Variants in AKR1D1 observed in about 807,000 individuals in gnomAD.
The protein encoded by AKR1D1 is aldo-keto reductase family 1 member D1, also known as delta(4)-3-ketosteroid 5-beta-reductase.
In AKR1D1, 32 loss-of-function variants were observed where a neutral mutation model predicts 42.6. The observed-to-expected ratio is 0.75, with a 90% CI of 0.57 to 1.01. The LOEUF (loss-of-function observed/expected upper bound fraction) is 1.01. Ranked by LOEUF, AKR1D1 falls within the 50% of genes least tolerant of loss-of-function variation. AKR1D1 has a pLI of 0.00. For missense variants in AKR1D1, 364 were observed against 402.2 expected, an observed-to-expected ratio of 0.91 and a Z score of 0.81; for synonymous variants, 123 against 135.5, an observed-to-expected ratio of 0.91 and a Z score of 0.64.
chr7:138,085,275 G>C (rs1485054062), intron 1 of AKR1D1, among the ~76,000 whole-genome samples: 3 of 151,824 alleles, frequency 2.0e-5, no homozygotes, highest in Non-Finnish European at 2.9e-5. Flanking sequence ...CCAGCTTTTA[G>C]AAGAGACTCC....
chr7:138,101,195 T>TCCTC (rs1395557452), intron 4 of AKR1D1, among the ~76,000 whole-genome samples: 1 of 20,954 alleles, frequency 4.8e-5, no homozygotes, highest in East Asian at 1.5e-3. Context: ...CTCCCTCCCT[T>TCCTC]CCTTCCTTCC....
chr7:138,085,457 T>C (rs1470861105), intron 1 of AKR1D1, among the ~76,000 whole-genome samples: 1 of 149,712 alleles, frequency 6.7e-6, no homozygotes, highest in African/African-American at 2.5e-5. Context: ...TTTTTTTTTT[T>C]TTTTTGAGAC....
At chr7:138,082,218 A>G (rs1341366003) in intron 1 of AKR1D1, among the ~76,000 whole-genome samples, 1 of 152,098 alleles carries the variant, frequency 6.6e-6, no homozygotes. Flanking sequence ...AATTTTAGAT[A>G]TCTTATCAGA....
At chr7:138,114,512 T>C (rs1389393566) in intron 8 of AKR1D1, among the ~76,000 whole-genome samples, 2 of 146,428 alleles carry the variant, frequency 1.4e-5, no homozygotes, top group Admixed American at 6.7e-5. Context: ...ATACAAAAAT[T>C]AGCTGGGTGT....
intron 3 of AKR1D1, among the ~76,000 whole-genome samples, chr7:138,095,280 G>T (rs559429542): frequency 6.6e-6 from 1 of 152,206 alleles, no homozygotes; most frequent in Admixed American, 6.5e-5. Context: ...GAGCAGAAAT[G>T]TGGGTCATAA....
chr7:138,103,570 A>T (rs930051491), intron 4 of AKR1D1, among the ~76,000 whole-genome samples: 15 of 152,108 alleles, frequency 9.9e-5, no homozygotes, highest in African/African-American at 3.6e-4. Flanking sequence ...CTAGACAGAG[A>T]TTGACAATTT....
chr7:138,107,209 C>T (rs756111013), intron 6 of AKR1D1: 11 of 740,638 alleles, frequency 1.5e-5, no homozygotes, highest in Non-Finnish European at 2.7e-5. Context: ...GAGGCAGCTC[C>T]ATAAACTTGC....
At position 138,113,315 on chromosome 7, in the gene AKR1D1, C is replaced by CAA. The variant is rs34789634; in HGVS notation, c.856-361_856-360dup. ...TGGGTGACAGAGTAAGACCCTGTCT[C>CAA]AAAAAAAAAAAAAAATCATATTTAG... On this transcript the variant is annotated intron_variant, in intron 7 of 8. Coordinates refer to ENST00000242375, the MANE Select transcript of AKR1D1 (RefSeq NM_005989.4). 6.9e-3 allele frequency among the ~76,000 whole-genome samples: 797 copies of CAA among 115,768 alleles called. 12 individuals are homozygous for CAA. Among genetic ancestry groups the CAA allele is most frequent in the African/African-American group, 0.025 (743 of 30,002 alleles). The allele number at this position is 115,768 out of a possible 152,430, so 75.9% of individuals were successfully genotyped here.
rs533286317 is a variant in AKR1D1 at position 138,108,645 on chromosome 7, A to G, written c.855+1065A>G. Among the ~76,000 whole-genome samples, 16 of 152,300 alleles carry G rather than the reference A, an allele frequency of 1.1e-4. 1 individual carries two copies. The highest frequency in any genetic ancestry group is 9.8e-4 in the Admixed American group (15 of 15,290). ...GTAGAATAGTGGTTACCGGAGGCTG[A>G]GATTATTGAAGGGAGGGTGCTATGA... On this transcript the variant is annotated intron_variant, in intron 7 of 8. Transcript: ENST00000242375.
intron 1 of AKR1D1, among the ~76,000 whole-genome samples, chr7:138,079,875 G>A (rs1049440454): frequency 5.9e-5 from 9 of 152,294 alleles, no homozygotes; most frequent in Non-Finnish European, 1.2e-4. Flanking sequence ...TGTAGATGGC[G>A]TGACTTGCTC....
At chr7:138,091,704 A>T in intron 2 of AKR1D1, 64 bp from the exon 3 acceptor site, 1 of 1,267,644 alleles carries the variant, frequency 7.9e-7, no homozygotes, top group Non-Finnish European at 1.2e-6. Context: ...ACAAAGAAAA[A>T]GGGGCTGCCT....
intron 2 of AKR1D1, among the ~76,000 whole-genome samples, chr7:138,089,653 T>C (rs893474059): frequency 2.6e-5 from 4 of 152,206 alleles, no homozygotes; most frequent in African/African-American, 4.8e-5. Flanking sequence ...GTCCAAAAAG[T>C]ACAGTTGTGA....
intron 4 of AKR1D1, among the ~76,000 whole-genome samples, chr7:138,100,938 T>G (rs895886955): frequency 1.2e-4 from 18 of 151,948 alleles, no homozygotes; most frequent in Non-Finnish European, 2.1e-4. Flanking sequence ...TCTCCTGACC[T>G]TGTGATCCAC....
chr7:138,105,175 C>T, intron 4 of AKR1D1, 132 bp from the exon 5 acceptor site: 1 of 1,303,126 alleles, frequency 7.7e-7, no homozygotes, highest in Non-Finnish European at 1.1e-6. Flanking sequence ...CCTTCTTTTA[C>T]TTTTTTTCGC....
At chr7:138,103,119 A>C (rs2117455562) in intron 4 of AKR1D1, among the ~76,000 whole-genome samples, 1 of 152,178 alleles carries the variant, frequency 6.6e-6, no homozygotes, top group African/African-American at 2.4e-5. Context: ...ATGCATGATA[A>C]AAAGTTGCAC....
chr7:138,114,897 C>A (rs1794606685), intron 8 of AKR1D1, among the ~76,000 whole-genome samples: 1 of 151,956 alleles, frequency 6.6e-6, no homozygotes, highest in African/African-American at 2.4e-5. Flanking sequence ...TTTACTGATC[C>A]TACTGTTTTT....
chr7:138,106,484 T>C, intron 5 of AKR1D1, 124 bp from the exon 6 acceptor site: 1 of 747,884 alleles, frequency 1.3e-6, no homozygotes, highest in East Asian at 2.7e-5. Flanking sequence ...ACACGAAATG[T>C]ATATAGTATG....
intron 7 of AKR1D1, among the ~76,000 whole-genome samples, chr7:138,108,022 C>T (rs1794467859): frequency 6.6e-6 from 1 of 152,086 alleles, no homozygotes; most frequent in Non-Finnish European, 1.5e-5. Flanking sequence ...TACCTACTCA[C>T]TTCTCTACCA....
chr7:138,104,260 A>T (rs1399634539), intron 4 of AKR1D1, among the ~76,000 whole-genome samples: 3 of 152,212 alleles, frequency 2.0e-5, no homozygotes, highest in African/African-American at 7.2e-5. Context: ...GTTACTGAGA[A>T]GCCAAGAAGA....
Sources: gnomAD v4.1 joint callset for allele counts (sites outside exome capture counted in the v4.1 genomes callset) on GRCh38, gnomAD v4.1.1 for gene constraint, MANE v1.5 for transcripts, NCBI Gene and HGNC (gene_info 2026-07-23, HGNC 2026-07-21) for gene names.